FAM168A: variants seen among roughly 807,000 people sequenced by gnomAD.
FAM168A encodes the protein protein FAM168A.
FAM168A carries 3 observed loss-of-function variants against 28.5 expected under a neutral mutation model. The observed-to-expected ratio is 0.11, with a 90% CI of 0.05 to 0.27. The LOEUF is 0.27. FAM168A is among the 10% of genes least tolerant of loss of function. FAM168A has a pLI of 1.00. For missense variants in FAM168A, 222 were observed against 311.5 expected (o/e 0.71, Z 2.16); for synonymous variants, 122 against 124.2 (o/e 0.98, Z 0.12).
chr11:73,533,629 GC>G (rs1211750433), intron 1 of FAM168A, among the ~76,000 whole-genome samples: 4 of 152,086 alleles, frequency 2.6e-5, no homozygotes, highest in Non-Finnish European at 4.4e-5. Context: ...CCAAAAAGTG[GC>G]TTTTAGCTTT....
Position 73,561,590 on chromosome 11 carries a change from G to A in FAM168A, c.-19+36333C>T, listed in dbSNP as rs1017512933. Among the ~76,000 whole-genome samples, 7 of 152,130 alleles carry A rather than the reference G, an allele frequency of 4.6e-5. No individual in the cohort carries two copies. The South Asian group carries it at 6.2e-4, about 14-fold the overall frequency. On this transcript the variant is annotated intron_variant, in intron 1 of 7. Coordinates refer to ENST00000356467, the MANE Select transcript of FAM168A (RefSeq NM_015159.3). ...GAATAAATACAAAGACCACACAAAC[G>A]TGGTAAATGCTACTCTGTCCCTAAT...
chr11:73,589,760 C>T (rs1944360698), intron 1 of FAM168A, among the ~76,000 whole-genome samples: 1 of 152,110 alleles, frequency 6.6e-6, no homozygotes, highest in Admixed American at 6.5e-5. Context: ...AACCCTGTCT[C>T]TACTAAAAAT....
intron 1 of FAM168A, among the ~76,000 whole-genome samples, chr11:73,517,540 G>A (rs1459846066): frequency 6.6e-6 from 1 of 152,084 alleles, no homozygotes; most frequent in African/African-American, 2.4e-5. Context: ...GTTTCGGCGG[G>A]GGCGGGGGGT....
chr11:73,502,515 C>G (rs1855028931), intron 1 of FAM168A, among the ~76,000 whole-genome samples: 2 of 151,972 alleles, frequency 1.3e-5, no homozygotes. Flanking sequence ...GCCTATCAAC[C>G]AAAAAAAGTC....
chr11:73,532,310 C>T (rs1943523898), intron 1 of FAM168A, among the ~76,000 whole-genome samples: 1 of 152,126 alleles, frequency 6.6e-6, no homozygotes, highest in East Asian at 1.9e-4. Flanking sequence ...CCCACCCCTG[C>T]CCAGTGCCTG....
intron 2 of FAM168A, among the ~76,000 whole-genome samples, chr11:73,456,902 CCT>C (rs1867543234): frequency 6.6e-6 from 1 of 152,218 alleles, no homozygotes; most frequent in African/African-American, 2.4e-5. Flanking sequence ...AGGACCTTGG[CCT>C]CCAAATATGG....
At chr11:73,554,453 A>G (rs1565296091) in intron 1 of FAM168A, among the ~76,000 whole-genome samples, 1 of 152,102 alleles carries the variant, frequency 6.6e-6, no homozygotes, top group Non-Finnish European at 1.5e-5. Flanking sequence ...TCTTAATTAT[A>G]TAAAATAAAT....
chr11:73,468,399 A>G lies in FAM168A; in HGVS notation c.70+6T>C, dbSNP rs1867768339. 1 of 1,613,374 alleles carries G rather than the reference A, an allele frequency of 6.2e-7. No homozygotes were observed. On this transcript the variant is annotated splice_donor_region_variant and intron_variant, in intron 2 of 7. Transcript: ENST00000356467. ...TCAAAATGAGAGCCATTCTCACACTACTCACCCGTGTAGGCCATGTTCTTA... is the reference window on the plus strand; with the variant it reads ...TCAAAATGAGAGCCATTCTCACACTGCTCACCCGTGTAGGCCATGTTCTTA...
At chr11:73,476,168 T>C (rs992235368) in intron 1 of FAM168A, among the ~76,000 whole-genome samples, 3 of 152,210 alleles carry the variant, frequency 2.0e-5, no homozygotes, top group Admixed American at 6.5e-5. Context: ...GTAAATTGCC[T>C]GAATTTTGAA....
chr11:73,436,522 CA>C (rs397782309), intron 2 of FAM168A, among the ~76,000 whole-genome samples: 6 of 148,468 alleles, frequency 4.0e-5, no homozygotes, highest in African/African-American at 9.9e-5. Flanking sequence ...AAACAATGAC[CA>C]AAAAAAAAAT....
At chr11:73,587,517 G>A (rs1044575762) in intron 1 of FAM168A, among the ~76,000 whole-genome samples, 2 of 151,742 alleles carry the variant, frequency 1.3e-5, no homozygotes, top group African/African-American at 2.4e-5. Flanking sequence ...GGAATCTTCT[G>A]GAAGTCGTAA....
intron 1 of FAM168A, among the ~76,000 whole-genome samples, chr11:73,469,298 C>T (rs1360985436): frequency 2.0e-5 from 3 of 152,282 alleles, no homozygotes; most frequent in African/African-American, 7.2e-5. Context: ...GGAGCCTTTC[C>T]TTACTATATA....
At chr11:73,434,989 C>A (rs1867063691) in intron 2 of FAM168A, among the ~76,000 whole-genome samples, 1 of 152,334 alleles carries the variant, frequency 6.6e-6, no homozygotes, top group South Asian at 2.1e-4. Context: ...GTGCCTGTCT[C>A]ACTGCTTCCT....
At chr11:73,503,623 T>A (rs1438116493) in intron 1 of FAM168A, among the ~76,000 whole-genome samples, 2 of 152,210 alleles carry the variant, frequency 1.3e-5, no homozygotes, top group African/African-American at 4.8e-5. Context: ...TTCACTGACA[T>A]TCTTCACAGA....
At chr11:73,469,307 T>C (rs1867780487) in intron 1 of FAM168A, among the ~76,000 whole-genome samples, 1 of 152,226 alleles carries the variant, frequency 6.6e-6, no homozygotes, top group Non-Finnish European at 1.5e-5. Context: ...CCTTACTATA[T>C]AGCCTGACAC....
chr11:73,540,875 A>T (rs1198772247), intron 1 of FAM168A, among the ~76,000 whole-genome samples: 4 of 152,174 alleles, frequency 2.6e-5, no homozygotes, highest in Non-Finnish European at 4.4e-5. Flanking sequence ...AGCAGTGACC[A>T]CTAGAGCAGG....
intron 2 of FAM168A, among the ~76,000 whole-genome samples, chr11:73,456,116 T>G (rs961872444): frequency 2.6e-5 from 4 of 152,162 alleles, no homozygotes; most frequent in African/African-American, 7.2e-5. Context: ...GTCATGAGGA[T>G]TAAATGAAAT....
At chr11:73,417,174 G>A (rs561082716) in intron 4 of FAM168A, among the ~76,000 whole-genome samples, 1 of 152,330 alleles carries the variant, frequency 6.6e-6, no homozygotes, top group African/African-American at 2.4e-5. Context: ...GCTAAGGGCA[G>A]CTAGAGAGGT....
chr11:73,592,232 C>A (rs1481272830), intron 1 of FAM168A, among the ~76,000 whole-genome samples: 1 of 152,224 alleles, frequency 6.6e-6, no homozygotes, highest in Non-Finnish European at 1.5e-5. Context: ...GACCCAGACA[C>A]CTGCCTAACT....
Sources: allele counts gnomAD v4.1 joint callset (sites outside exome capture counted in the v4.1 genomes callset), GRCh38; gene constraint gnomAD v4.1.1; transcripts MANE v1.5; gene names NCBI Gene and HGNC (gene_info 2026-07-23, HGNC 2026-07-21).